CACNB2: variants seen among roughly 807,000 people sequenced by gnomAD.
The protein encoded by CACNB2 is voltage-dependent L-type calcium channel subunit beta-2.
Under a neutral mutation model 73.3 loss-of-function variants are expected in CACNB2, and 42 were observed. The observed-to-expected ratio is 0.57, with a 90% CI of 0.45 to 0.74. The LOEUF (loss-of-function observed/expected upper bound fraction) is 0.74. CACNB2 is among the 30% of genes least tolerant of loss of function. CACNB2 has a pLI of 0.00. For missense variants in CACNB2, 940 were observed against 853.0 expected, an observed-to-expected ratio of 1.10 and a Z score of -1.27; for synonymous variants, 348 against 310.3, an observed-to-expected ratio of 1.12 and a Z score of -1.28.
chr10:18,539,603 G>GC lies in CACNB2; in HGVS notation c.1863dup (p.Asn622GlnfsTer8). ...GATCGAGAGCAGGACCACAACGAGT[G>GC]CAACAAGCAGCGCAGCCGTCATAAA... is the stretch of plus-strand genomic sequence containing the variant. On this transcript the variant is annotated frameshift_variant, in exon 14 of 14. Coordinates refer to ENST00000324631, the MANE Select transcript of CACNB2 (RefSeq NM_201596.3). LOFTEE classifies it high-confidence loss of function. 1 of 1,613,872 alleles carries GC rather than the reference G, an allele frequency of 6.2e-7. No homozygotes were observed. Among genetic ancestry groups the GC allele is most frequent in the Non-Finnish European group, 8.5e-7 (1 of 1,179,900 alleles).
chr10:18,343,780 G>T (rs2041330695), intron 2 of CACNB2, among the ~76,000 whole-genome samples: 1 of 152,114 alleles, frequency 6.6e-6, no homozygotes, highest in Non-Finnish European at 1.5e-5. Flanking sequence ...ACTTCTAATT[G>T]GAGACCTGTG....
intron 2 of CACNB2, among the ~76,000 whole-genome samples, chr10:18,249,126 T>C (rs139656300): frequency 1.3e-5 from 2 of 152,318 alleles, no homozygotes; most frequent in African/African-American, 4.8e-5. Context: ...TTTCTCCTAA[T>C]TTCATCTGAG....
At chr10:18,298,758 A>G (rs911683713) in intron 2 of CACNB2, among the ~76,000 whole-genome samples, 1 of 152,344 alleles carries the variant, frequency 6.6e-6, no homozygotes, top group South Asian at 2.1e-4. Context: ...GTTCAACTGC[A>G]CTGTGAGAGG....
intron 2 of CACNB2, among the ~76,000 whole-genome samples, chr10:18,227,247 G>C (rs922004327): frequency 6.6e-6 from 1 of 152,120 alleles, no homozygotes; most frequent in African/African-American, 2.4e-5. Flanking sequence ...CTTCTGTACC[G>C]AGAGGAGGAG....
intron 2 of CACNB2, chr10:18,238,374 G>A (rs1466773969): frequency 6.6e-6 from 1 of 152,102 alleles, no homozygotes; most frequent in Non-Finnish European, 1.5e-5. Context: ...ACTGATGAAA[G>A]CCATCGTTTT....
At chr10:18,201,412 T>C (rs1395232977) in intron 2 of CACNB2, among the ~76,000 whole-genome samples, 1 of 152,018 alleles carries the variant, frequency 6.6e-6, no homozygotes, top group Non-Finnish European at 1.5e-5. Flanking sequence ...GTAGCTGGGA[T>C]TACAGGCATG....
chr10:18,521,196 A>C (rs897896435), intron 9 of CACNB2, among the ~76,000 whole-genome samples: 1 of 152,256 alleles, frequency 6.6e-6, no homozygotes, highest in Non-Finnish European at 1.5e-5. Flanking sequence ...TATAAGTAAA[A>C]GGGCAACTTG....
chr10:18,259,568 A>G (rs113394786), intron 2 of CACNB2, among the ~76,000 whole-genome samples: 6 of 132,926 alleles, frequency 4.5e-5, no homozygotes, highest in South Asian at 2.5e-4. Flanking sequence ...AACAAACAAA[A>G]AAAAAAAGTA....
At chr10:18,346,860 G>A (rs574761882) in intron 2 of CACNB2, among the ~76,000 whole-genome samples, 10 of 152,056 alleles carry the variant, frequency 6.6e-5, no homozygotes, top group Non-Finnish European at 1.3e-4. Context: ...GCCTCCCAAA[G>A]TGCTGGGATT....
At chr10:18,511,989 T>TG (rs2050821760) in intron 6 of CACNB2, among the ~76,000 whole-genome samples, 1 of 152,232 alleles carries the variant, frequency 6.6e-6, no homozygotes, top group Non-Finnish European at 1.5e-5. Context: ...GCCTTGAAGT[T>TG]GATCTTTATT....
intron 2 of CACNB2, among the ~76,000 whole-genome samples, chr10:18,163,674 T>A (rs2032640512): frequency 6.6e-6 from 1 of 152,200 alleles, no homozygotes; most frequent in Admixed American, 6.5e-5. Context: ...AAAGGTTATA[T>A]AGGTGTTCAT....
intron 2 of CACNB2, among the ~76,000 whole-genome samples, chr10:18,304,599 G>A (rs960967440): frequency 1.3e-5 from 2 of 152,040 alleles, no homozygotes; most frequent in African/African-American, 2.4e-5. Context: ...ACCAGGCTTC[G>A]TGGGCTAGGG....
chr10:18,269,652 C>G (rs1490508169), intron 2 of CACNB2, among the ~76,000 whole-genome samples: 1 of 152,102 alleles, frequency 6.6e-6, no homozygotes, highest in Admixed American at 6.6e-5. Flanking sequence ...GTTTTAGACC[C>G]ATATTCAAAA....
intron 2 of CACNB2, among the ~76,000 whole-genome samples, chr10:18,331,113 G>C (rs2040785988): frequency 6.6e-6 from 1 of 152,068 alleles, no homozygotes; most frequent in Non-Finnish European, 1.5e-5. Context: ...AGCCTCCTGA[G>C]TAGCTGGGAC....
At chr10:18,176,700 G>A (rs1446555053) in intron 2 of CACNB2, among the ~76,000 whole-genome samples, 1 of 150,926 alleles carries the variant, frequency 6.6e-6, no homozygotes, top group East Asian at 1.9e-4. Flanking sequence ...TTTACAGGGT[G>A]CAAGTCAAAT....
intron 3 of CACNB2, among the ~76,000 whole-genome samples, chr10:18,463,889 C>T (rs138426308): frequency 1.3e-5 from 2 of 152,106 alleles, no homozygotes; most frequent in Non-Finnish European, 2.9e-5. Context: ...CTCTGCCCCC[C>T]TTCCCAGCCA....
chr10:18,277,951 G>A (rs1365908703), intron 2 of CACNB2, among the ~76,000 whole-genome samples: 1 of 152,108 alleles, frequency 6.6e-6, no homozygotes, highest in African/African-American at 2.4e-5. Context: ...ATAACACAAT[G>A]TGATTAATTA....
intron 2 of CACNB2, among the ~76,000 whole-genome samples, chr10:18,345,284 C>G (rs1385909483): frequency 6.6e-6 from 1 of 152,046 alleles, no homozygotes; most frequent in East Asian, 1.9e-4. Context: ...TGGACAATGC[C>G]AGTATTATTC....
intron 2 of CACNB2, among the ~76,000 whole-genome samples, chr10:18,371,350 T>TC (rs1276488698): frequency 2.0e-5 from 3 of 152,158 alleles, no homozygotes; most frequent in East Asian, 1.9e-4. Flanking sequence ...ATGCTATCCC[T>TC]CCCCCCTTTC....
Sources: allele counts gnomAD v4.1 joint callset (sites outside exome capture counted in the v4.1 genomes callset), GRCh38; gene constraint gnomAD v4.1.1; transcripts MANE v1.5; gene names NCBI Gene and HGNC (gene_info 2026-07-23, HGNC 2026-07-21).